The following NBPF11 variants were observed in gnomAD, a reference collection of about 807,000 sequenced individuals.
NBPF11 encodes NBPF family member NBPF11.
Under a neutral mutation model 93.9 loss-of-function variants are expected in NBPF11, and 72 were observed. The observed-to-expected ratio is 0.77, with a 90% confidence interval of 0.63 to 0.93. NBPF11 has a LOEUF of 0.93. Among genes scored for constraint, NBPF11 ranks in the 40% least tolerant of loss-of-function variants. The probability of loss-of-function intolerance (pLI) is 0.00; values close to 1 mark genes in which losing one functional copy is unlikely to be tolerated. For missense variants in NBPF11, 705 were observed against 802.2 expected (o/e 0.88, Z 1.46); for synonymous variants, 224 against 304.9 (o/e 0.73, Z 2.76).
chr1:148,122,687 T>C, intron 8 of NBPF11, 42 bp downstream of exon 8: 1 of 1,604,990 alleles, frequency 6.2e-7, no homozygotes, highest in South Asian at 1.1e-5. Context: ...GACATTTTCA[T>C]ATGTTACCAC....
chr1:148,122,932 C>G, intron 7 of NBPF11, 131 bp from the exon 8 acceptor site: 1 of 1,540,004 alleles, frequency 6.5e-7, no homozygotes, highest in Non-Finnish European at 8.9e-7. Flanking sequence ...ATGTTTTATC[C>G]TTCACAAAAT....
At chr1:148,114,899 T>C (rs1666113905) in intron 14 of NBPF11, among the ~76,000 whole-genome samples, 1 of 151,602 alleles carries the variant, frequency 6.6e-6, no homozygotes. Context: ...GAACAACTCT[T>C]GCTTTAAAAA....
In NBPF11 at chr1:148,108,582, A is replaced by C; in HGVS notation, c.1926T>G (p.Thr642=). ...LQDSLDRCYS[T]PSVYLGLTDS... ...CAGTCAGTCCAAGATAAACTGAAGG[A>C]GTTGAATAACATCTATCCAGTGAGT... The change falls in exon 18 of 24, where the codon ACT becomes ACG. Residue 642 remains threonine (T), a synonymous_variant. Transcript: ENST00000682118. 1 of 1,585,972 alleles carries C rather than the reference A, an allele frequency of 6.3e-7. No homozygotes were observed. Among genetic ancestry groups the C allele is most frequent in the Non-Finnish European group, 8.6e-7 (1 of 1,157,130 alleles).
intron 2 of NBPF11, among the ~76,000 whole-genome samples, chr1:148,141,317 T>A (rs1672130091): frequency 6.6e-6 from 1 of 152,054 alleles, no homozygotes. Flanking sequence ...TAATGATGTA[T>A]CAACAGTGGT....
chr1:148,122,677 G>C, intron 8 of NBPF11, 52 bp downstream of exon 8: 2 of 1,602,532 alleles, frequency 1.2e-6, no homozygotes, highest in Admixed American at 3.3e-5. Flanking sequence ...GTGCCTCCTA[G>C]ACATTTTCAT....
chr1:148,104,023 A>T, intron 23 of NBPF11, 111 bp from the exon 24 acceptor site: 1 of 1,602,906 alleles, frequency 6.2e-7, no homozygotes, highest in Non-Finnish European at 8.5e-7. Context: ...AAAAGGACAG[A>T]TCCATTAATG....
intron 4 of NBPF11, among the ~76,000 whole-genome samples, chr1:148,129,215 C>T (rs2896834): frequency 4.2e-5 from 6 of 142,710 alleles, no homozygotes; most frequent in East Asian, 2.0e-4. Flanking sequence ...TATACACACA[C>T]GAATATATAT....
intron 5 of NBPF11, 64 bp downstream of exon 5, chr1:148,126,765 G>A: frequency 6.5e-7 from 1 of 1,541,130 alleles, no homozygotes; most frequent in Non-Finnish European, 8.9e-7. Flanking sequence ...AATTATTTTT[G>A]ATGGAGAGAG....
intron 20 of NBPF11, 135 bp downstream of exon 20, chr1:148,106,807 C>G (rs1663751143): frequency 1.4e-6 from 1 of 716,598 alleles, no homozygotes; most frequent in African/African-American, 1.9e-5. Context: ...AGTTTCATTA[C>G]AACCTATATG....
intron 21 of NBPF11, 102 bp downstream of exon 21, chr1:148,106,079 G>C (rs1177125616): frequency 2.8e-4 from 158 of 565,226 alleles, no homozygotes; most frequent in East Asian, 1.8e-3. Flanking sequence ...TTCAGGCTTG[G>C]TTGAAAAGAT....
intron 21 of NBPF11, 100 bp downstream of exon 21, chr1:148,106,081 T>G (rs1204602021): frequency 2.3e-5 from 13 of 565,744 alleles, no homozygotes; most frequent in Admixed American, 3.1e-5. Flanking sequence ...CAGGCTTGGT[T>G]GAAAAGATGT....
chr1:148,122,917 C>T, intron 7 of NBPF11, 116 bp from the exon 8 acceptor site: 1 of 1,580,682 alleles, frequency 6.3e-7, no homozygotes, highest in East Asian at 2.2e-5. Context: ...GTACTGAAAA[C>T]TCTCATGTTT....
chr1:148,142,032 G>C (rs1672260645), intron 2 of NBPF11, among the ~76,000 whole-genome samples: 1 of 144,664 alleles, frequency 6.9e-6, no homozygotes, highest in African/African-American at 2.6e-5. Context: ...AAGGAAGGGA[G>C]GGAGGAAGGA....
chr1:148,127,017 G>A lies in NBPF11; in HGVS notation c.-14C>T. Reference sequence around the variant, plus strand: ...TGATACCACCATGCTGACGTTTGTGGCAGAAGAGGTGGAGTCAGGGACTGG... The same window carrying A: ...TGATACCACCATGCTGACGTTTGTGACAGAAGAGGTGGAGTCAGGGACTGG... On this transcript the variant is annotated 5_prime_UTR_variant, in exon 5 of 24. Transcript: ENST00000682118. 1.5e-6 allele frequency: 1 copy of A among 666,624 alleles called. No individual in the cohort carries two copies. Among genetic ancestry groups the A allele is most frequent in the Non-Finnish European group, 2.6e-6 (1 of 386,038 alleles). 41.3% of individuals were successfully genotyped at this position (666,624 alleles called of 1,614,324 possible).
rs201967730 is a variant in NBPF11, at chr1:148,108,565, C to T, written c.1943G>A (p.Gly648Glu). 5 of 1,601,716 alleles carry T rather than the reference C, an allele frequency of 3.1e-6. No homozygotes were observed. Among genetic ancestry groups the T allele is most frequent in the East Asian group, 2.2e-5 (1 of 44,792 alleles). ...RCYSTPSVYLGLTDSCQPYRS... is the reference protein window; with the variant it reads ...RCYSTPSVYLELTDSCQPYRS... ...GTAGGGCTGGCATGAGTCAGTCAGTCCAAGATAAACTGAAGGAGTTGAATA... is the reference window on the plus strand; with the variant it reads ...GTAGGGCTGGCATGAGTCAGTCAGTTCAAGATAAACTGAAGGAGTTGAATA... The change falls in exon 18 of 24, where the codon GGA (glycine) becomes GAA (glutamate). Residue 648 changes from glycine to glutamate, a missense_variant. Transcript: ENST00000682118.
At chr1:148,124,414 G>C (rs1375777885) in intron 6 of NBPF11, among the ~76,000 whole-genome samples, 4 of 148,612 alleles carry the variant, frequency 2.7e-5, no homozygotes, top group Non-Finnish European at 5.9e-5. Flanking sequence ...TGCATCTTGC[G>C]GCCACTAGAT....
At chr1:148,146,308 A>T in intron 1 of NBPF11, 1 of 1,361,298 alleles carries the variant, frequency 7.3e-7, no homozygotes, top group Non-Finnish European at 9.4e-7. Flanking sequence ...CGCGACTCGG[A>T]GCACCCCACC....
intron 18 of NBPF11, among the ~76,000 whole-genome samples, 191 bp from the exon 19 acceptor site, chr1:148,107,953 G>A (rs1438536494): frequency 1.3e-5 from 2 of 151,564 alleles, no homozygotes; most frequent in South Asian, 4.2e-4. Context: ...CAGAAACTGT[G>A]GGTAAACTTC....
intron 1 of NBPF11, among the ~76,000 whole-genome samples, chr1:148,146,137 CCGGGGGCG>C (rs1672978582): frequency 6.6e-6 from 1 of 151,746 alleles, no homozygotes; most frequent in African/African-American, 2.4e-5. Context: ...GCCCTGGGGC[CCGGGGGCG>C]CGGGCCGGGG....
Sources: allele counts gnomAD v4.1 joint callset (sites outside exome capture counted in the v4.1 genomes callset), GRCh38; gene constraint gnomAD v4.1.1; transcripts MANE v1.5; gene names NCBI Gene and HGNC (gene_info 2026-07-23, HGNC 2026-07-21).